Variants in DCC observed in about 807,000 individuals in gnomAD.
The protein encoded by DCC is netrin receptor DCC.
In DCC, 58 loss-of-function variants were observed where a neutral mutation model predicts 172.5. The ratio of observed to expected loss-of-function variants is 0.34; its 90% confidence interval spans 0.27 to 0.42. The LOEUF (loss-of-function observed/expected upper bound fraction) is 0.42, where lower values mean the gene tolerates loss of function less well. Among genes scored for constraint, DCC ranks in the 10% least tolerant of loss-of-function variants. The pLI is 1.00. For missense variants in DCC, 1,740 were observed against 1,791.0 expected (o/e 0.97, Z 0.51); for synonymous variants, 709 against 644.5 (o/e 1.10, Z -1.52).
At position 53,267,112 on chromosome 18, in the gene DCC, A is replaced by T. The variant is rs568765965; in HGVS notation, c.1912-38466A>T. ...TACACACACACACACTCTCTCTCTC[A>T]CACACACACACACACACACACATAT... On this transcript the variant is annotated intron_variant, in intron 12 of 28. Coordinates refer to ENST00000442544, the MANE Select transcript of DCC (RefSeq NM_005215.4). Among the ~76,000 whole-genome samples the T allele has an allele frequency of 3.6e-3, 494 of 138,804 alleles. 1 individual carries two copies. Among genetic ancestry groups the T allele is most frequent in the Non-Finnish European group, 4.5e-3 (297 of 66,230 alleles). The allele number at this position is 138,804 out of a possible 152,430, so 91.1% of individuals were successfully genotyped here. A position where few individuals can be genotyped will look rare whatever the true frequency, so the allele number is the denominator to read the frequency against.
intron 16 of DCC, among the ~76,000 whole-genome samples, chr18:53,389,625 A>G (rs1391750669): frequency 6.6e-6 from 1 of 152,210 alleles, no homozygotes; most frequent in Non-Finnish European, 1.5e-5. Flanking sequence ...ACCTGAAAAA[A>G]TATTATTCCA....
chr18:52,378,869 T>G (rs529368046), intron 1 of DCC, among the ~76,000 whole-genome samples: 1 of 152,264 alleles, frequency 6.6e-6, no homozygotes, highest in East Asian at 1.9e-4. Context: ...ACTATTTTAA[T>G]ATTATCATGT....
chr18:52,610,402 A>AG (rs1353297314), intron 1 of DCC, among the ~76,000 whole-genome samples: 145 of 131,290 alleles, frequency 1.1e-3, no homozygotes, highest in African/African-American at 3.9e-3. Flanking sequence ...AAAAAAAAAA[A>AG]AAAAAGAAAA....
rs2046533874 is a variant in DCC at position 53,532,477 on chromosome 18, A to G, written c.*1824A>G. ...TTCTGGAAGTCTTTTCTGAAGAGCT[A>G]TGTGATGTTGTTCTATGGGACAGAC... On this transcript the variant is annotated 3_prime_UTR_variant, in exon 29 of 29. Transcript: ENST00000442544. 1 of 152,204 alleles carries G rather than the reference A, an allele frequency of 6.6e-6. No homozygotes were observed. The highest frequency in any genetic ancestry group is 6.5e-5 in the Admixed American group (1 of 15,280). The allele number at this position is 152,204 out of a possible 1,614,324, so 9.4% of individuals were successfully genotyped here.
intron 24 of DCC, among the ~76,000 whole-genome samples, chr18:53,464,012 A>T (rs754899126): frequency 6.6e-6 from 1 of 152,180 alleles, no homozygotes; most frequent in Non-Finnish European, 1.5e-5. Context: ...TTCATTCTCT[A>T]ACCACAAAAA....
intron 1 of DCC, among the ~76,000 whole-genome samples, chr18:52,342,370 C>T (rs569628436): frequency 6.6e-6 from 1 of 150,966 alleles, no homozygotes; most frequent in African/African-American, 2.4e-5. Context: ...TCCCTCCCTC[C>T]GTCTGTCCCT....
At chr18:53,267,525 G>A (rs2056694959) in intron 12 of DCC, among the ~76,000 whole-genome samples, 1 of 151,826 alleles carries the variant, frequency 6.6e-6, no homozygotes, top group South Asian at 2.1e-4. Flanking sequence ...TGTCACCCAG[G>A]GTAGAATGCA....
chr18:52,815,467 GC>G (rs892100918), intron 2 of DCC, among the ~76,000 whole-genome samples: 1 of 149,090 alleles, frequency 6.7e-6, no homozygotes, highest in African/African-American at 2.5e-5. Context: ...CCACCCCCCT[GC>G]CCCCCTGTCC....
intron 13 of DCC, among the ~76,000 whole-genome samples, chr18:53,311,917 C>T (rs2057273199): frequency 6.6e-6 from 1 of 152,018 alleles, no homozygotes; most frequent in Non-Finnish European, 1.5e-5. Flanking sequence ...GTGTTTCTCA[C>T]CGTAGGCAAT....
In DCC at chr18:53,458,062, T is replaced by A. The variant is rs148914209; in HGVS notation, c.3393-1170T>A. 3.2e-3 allele frequency among the ~76,000 whole-genome samples: 484 copies of A among 152,288 alleles called. 1 individual carries two copies. The highest frequency in any genetic ancestry group is 0.011 in the African/African-American group (455 of 41,554). On this transcript the variant is annotated intron_variant, in intron 23 of 28. Coordinates refer to ENST00000442544, the MANE Select transcript of DCC (RefSeq NM_005215.4). ...TTCACTGAGAGTAGCTTGTATGAAC[T>A]ATTGAGCAGCCATGGAAGGTAGTTA...
At chr18:52,880,058 T>A (rs2145402348) in intron 2 of DCC, among the ~76,000 whole-genome samples, 1 of 152,272 alleles carries the variant, frequency 6.6e-6, no homozygotes, top group African/African-American at 2.4e-5. Flanking sequence ...TAGTTATTTT[T>A]AAATGTACTA....
At chr18:53,249,264 CAA>C (rs1451127996) in intron 12 of DCC, among the ~76,000 whole-genome samples, 1 of 151,832 alleles carries the variant, frequency 6.6e-6, no homozygotes, top group Non-Finnish European at 1.5e-5. Context: ...TTTGAACAAA[CAA>C]ATATTATAGC....
intron 22 of DCC, among the ~76,000 whole-genome samples, chr18:53,442,896 C>A (rs1419045314): frequency 6.6e-6 from 1 of 152,134 alleles, no homozygotes; most frequent in African/African-American, 2.4e-5. Flanking sequence ...AGAGCAAGGC[C>A]CTAAGTCTCT....
At chr18:52,864,650 A>G (rs1284604010) in intron 2 of DCC, among the ~76,000 whole-genome samples, 3 of 152,092 alleles carry the variant, frequency 2.0e-5, no homozygotes, top group Non-Finnish European at 4.4e-5. Context: ...CAACAACTAC[A>G]TTAGGTATTT....
At chr18:53,253,138 G>A (rs1342631194) in intron 12 of DCC, among the ~76,000 whole-genome samples, 1 of 151,774 alleles carries the variant, frequency 6.6e-6, no homozygotes, top group African/African-American at 2.4e-5. Flanking sequence ...AGATGTAAAT[G>A]ATCCAAACCG....
In DCC at chr18:52,869,873, G is replaced by A. The variant is rs1161094836; in HGVS notation, c.413-36171G>A. 2.1e-4 allele frequency among the ~76,000 whole-genome samples: 32 copies of A among 152,190 alleles called. 1 individual carries two copies. Among genetic ancestry groups the A allele is most frequent in the Non-Finnish European group, 2.4e-4 (16 of 68,034 alleles). On this transcript the variant is annotated intron_variant, in intron 2 of 28. Transcript: ENST00000442544. ...GAGAGAACAGACAGCCCCAAGCCTG[G>A]GGGGTAAAGGCGGCCTTCTCAGGCC...
chr18:53,500,726 G>A (rs562606223), intron 27 of DCC, among the ~76,000 whole-genome samples: 1 of 151,976 alleles, frequency 6.6e-6, no homozygotes, highest in African/African-American at 2.4e-5. Context: ...AAGCATGTAG[G>A]ATTCCATTGG....
chr18:52,534,885 G>T (rs2032247548), intron 1 of DCC, among the ~76,000 whole-genome samples: 1 of 151,982 alleles, frequency 6.6e-6, no homozygotes, highest in South Asian at 2.1e-4. Flanking sequence ...AACCTACCTG[G>T]CATATTGGCT....
At chr18:53,318,824 G>T (rs1023951194) in intron 13 of DCC, among the ~76,000 whole-genome samples, 3 of 149,918 alleles carry the variant, frequency 2.0e-5, no homozygotes, top group Non-Finnish European at 4.4e-5. Context: ...ATTCACCAAG[G>T]TTAAAATGAA....
Sources: gnomAD v4.1 joint callset for allele counts (sites outside exome capture counted in the v4.1 genomes callset) on GRCh38, gnomAD v4.1.1 for gene constraint, MANE v1.5 for transcripts, NCBI Gene and HGNC (gene_info 2026-07-23, HGNC 2026-07-21) for gene names.